SNTG1: variants seen among roughly 807,000 people sequenced by gnomAD.
The protein encoded by SNTG1 is syntrophin gamma 1.
SNTG1 carries 39 observed loss-of-function variants against 74.7 expected under a neutral mutation model. The ratio of observed to expected loss-of-function variants is 0.52; its 90% CI spans 0.40 to 0.68. The LOEUF is 0.68. Ranked by LOEUF, SNTG1 falls within the 30% of genes least tolerant of loss-of-function variation. The pLI, the probability that SNTG1 is intolerant of heterozygous loss-of-function variation, is 0.00. For synonymous variants in SNTG1, 254 were observed against 217.1 expected, an observed-to-expected ratio of 1.17 and a Z score of -1.49; for missense variants, 685 against 609.5, an observed-to-expected ratio of 1.12 and a Z score of -1.30.
intron 2 of SNTG1, among the ~76,000 whole-genome samples, chr8:50,283,050 T>C (rs1228017932): frequency 1.3e-5 from 2 of 152,218 alleles, no homozygotes; most frequent in African/African-American, 4.8e-5. Context: ...TATTTTACCG[T>C]ATTGCTCCAA....
chr8:50,666,025 G>A (rs777987897), intron 15 of SNTG1, among the ~76,000 whole-genome samples: 6 of 152,122 alleles, frequency 3.9e-5, no homozygotes, highest in Non-Finnish European at 8.8e-5. Flanking sequence ...TAGGGAGACA[G>A]ACTATAATAA....
At chr8:50,105,003 T>G (rs2080310005) in intron 1 of SNTG1, among the ~76,000 whole-genome samples, 1 of 152,082 alleles carries the variant, frequency 6.6e-6, no homozygotes, top group Non-Finnish European at 1.5e-5. Flanking sequence ...ATTTACTCTG[T>G]TGATGGTTTC....
intron 2 of SNTG1, among the ~76,000 whole-genome samples, chr8:50,188,992 A>G (rs1187889170): frequency 6.6e-6 from 1 of 152,150 alleles, no homozygotes; most frequent in Non-Finnish European, 1.5e-5. Flanking sequence ...GGCCTCACCC[A>G]GCATTAGCAA....
At chr8:50,674,783 C>A (rs1348005830) in intron 15 of SNTG1, among the ~76,000 whole-genome samples, 1 of 151,598 alleles carries the variant, frequency 6.6e-6, no homozygotes, top group Admixed American at 6.6e-5. Context: ...ATCTTTCTAG[C>A]TTTCTGATGT....
At chr8:50,235,269 G>A (rs1307842945) in intron 2 of SNTG1, among the ~76,000 whole-genome samples, 3 of 152,076 alleles carry the variant, frequency 2.0e-5, no homozygotes, top group Non-Finnish European at 4.4e-5. Context: ...TGTCATAAAA[G>A]GAAGGGAATT....
At chr8:50,317,480 C>T (rs201186742) in intron 2 of SNTG1, among the ~76,000 whole-genome samples, 2 of 152,154 alleles carry the variant, frequency 1.3e-5, no homozygotes. Flanking sequence ...AAAAGTAATG[C>T]ACATGCCTAT....
In SNTG1 at chr8:50,573,267, T is replaced by C. The variant is rs182072222; in HGVS notation, c.811-17612T>C. 2.0e-3 allele frequency among the ~76,000 whole-genome samples: 298 copies of C among 152,216 alleles called. 2 individuals carry two copies. The highest frequency in any genetic ancestry group is 6.9e-3 in the African/African-American group (286 of 41,580). On this transcript the variant is annotated intron_variant, in intron 12 of 18. Transcript: ENST00000642720. ...TTACAAATTACTGCTAAATCAATGCTGCTAAAAGTTAATAAACAAAATTCA... is the reference window on the plus strand; with the variant it reads ...TTACAAATTACTGCTAAATCAATGCCGCTAAAAGTTAATAAACAAAATTCA...
intron 18 of SNTG1, among the ~76,000 whole-genome samples, chr8:50,760,669 CA>C (rs548642691): frequency 4.8e-4 from 72 of 151,164 alleles, no homozygotes; most frequent in East Asian, 5.9e-4. Flanking sequence ...CAAATAGACA[CA>C]AAAAAAATGA....
rs534953394 is a variant in SNTG1, at chr8:50,704,422, G to T, written c.1039-178G>T. On this transcript the variant is annotated intron_variant, in intron 15 of 18. Transcript: ENST00000642720. ...CATGCTTCAGTGTAAAGACAGAGAA[G>T]TCATGTGTTGGGGCTTTGAAGCCCG... is the stretch of plus-strand genomic sequence containing the variant. 2.1e-4 allele frequency among the ~76,000 whole-genome samples: 32 copies of T among 152,310 alleles called. 1 individual carries two copies. Among genetic ancestry groups the T allele is most frequent in the African/African-American group, 7.0e-4 (29 of 41,568 alleles).
chr8:50,107,710 C>T (rs1385383607), intron 1 of SNTG1, among the ~76,000 whole-genome samples: 1 of 151,812 alleles, frequency 6.6e-6, no homozygotes, highest in African/African-American at 2.4e-5. Flanking sequence ...GCAAACATGC[C>T]CAGCTAATTT....
chr8:50,318,813 T>A (rs1183504459), intron 2 of SNTG1, among the ~76,000 whole-genome samples: 1 of 152,166 alleles, frequency 6.6e-6, no homozygotes, highest in Non-Finnish European at 1.5e-5. Flanking sequence ...TGCACATCCA[T>A]CCTATCATCA....
chr8:49,915,400 C>T (rs1805939231), intron 1 of SNTG1, among the ~76,000 whole-genome samples: 2 of 152,158 alleles, frequency 1.3e-5, no homozygotes, highest in East Asian at 1.9e-4. Flanking sequence ...AGGCACATCC[C>T]TTATACTTAA....
intron 11 of SNTG1, among the ~76,000 whole-genome samples, chr8:50,551,881 G>T (rs2094429235): frequency 6.6e-6 from 1 of 152,088 alleles, no homozygotes; most frequent in Non-Finnish European, 1.5e-5. Context: ...CAGAGTCGTG[G>T]ATGCCCAAGG....
chr8:49,925,095 G>A (rs1337616345), intron 1 of SNTG1, among the ~76,000 whole-genome samples: 1 of 152,114 alleles, frequency 6.6e-6, no homozygotes, highest in Non-Finnish European at 1.5e-5. Flanking sequence ...CAAGGCTGCA[G>A]TGAGCCATAA....
chr8:50,745,888 T>A (rs1423534088), intron 17 of SNTG1, among the ~76,000 whole-genome samples: 1 of 151,850 alleles, frequency 6.6e-6, no homozygotes, highest in African/African-American at 2.4e-5. Context: ...AGTGAAGACA[T>A]ATGATTAATG....
intron 9 of SNTG1, among the ~76,000 whole-genome samples, chr8:50,508,313 T>C (rs528087274): frequency 6.6e-6 from 1 of 152,208 alleles, no homozygotes; most frequent in Non-Finnish European, 1.5e-5. Context: ...CTTAATCCAG[T>C]CTATCATTGT....
chr8:50,009,047 T>G (rs2130542568), intron 1 of SNTG1, among the ~76,000 whole-genome samples: 1 of 152,130 alleles, frequency 6.6e-6, no homozygotes, highest in African/African-American at 2.4e-5. Context: ...TTATGAGAAG[T>G]TAATTTATTT....
At chr8:50,484,179 T>C (rs2093768256) in intron 8 of SNTG1, among the ~76,000 whole-genome samples, 1 of 113,836 alleles carries the variant, frequency 8.8e-6, no homozygotes, top group Non-Finnish European at 2.0e-5. Context: ...CTTCCTTCCT[T>C]CCTTCCTTCC....
intron 4 of SNTG1, among the ~76,000 whole-genome samples, chr8:50,408,562 A>G (rs1480615062): frequency 5.9e-5 from 9 of 152,138 alleles, no homozygotes; most frequent in Non-Finnish European, 1.2e-4. Flanking sequence ...AGAGGGTGCC[A>G]TCAGCCCCAA....
Sources: gnomAD v4.1 joint callset for allele counts (sites outside exome capture counted in the v4.1 genomes callset) on GRCh38, gnomAD v4.1.1 for gene constraint, MANE v1.5 for transcripts, NCBI Gene and HGNC (gene_info 2026-07-23, HGNC 2026-07-21) for gene names.